Variants in DMD observed in about 807,000 individuals in gnomAD.
The protein encoded by DMD is dystrophin.
In DMD, 63 loss-of-function variants were observed where a neutral mutation model predicts 330.1. That is an observed-to-expected ratio of 0.19 (90% CI 0.16 to 0.24). The LOEUF is 0.24. Among genes scored for constraint, DMD ranks in the 10% least tolerant of loss-of-function variants. The pLI, the probability that DMD is intolerant of heterozygous loss-of-function variation, is 1.00. For synonymous variants in DMD, 1,223 were observed against 959.8 expected, an observed-to-expected ratio of 1.27 and a Z score of -5.07; for missense variants, 3,344 against 2,684.1, an observed-to-expected ratio of 1.25 and a Z score of -5.43.
intron 13 of DMD, among the ~76,000 whole-genome samples, chrX:32,595,184 T>C (rs1226464294): frequency 2.7e-5 from 3 of 111,607 alleles, no homozygotes; most frequent in Non-Finnish European, 5.6e-5. Context: ...CATTTACCGA[T>C]ATTTAGTAGA....
At chrX:32,398,663 G>A (rs147136705) in intron 30 of DMD, among the ~76,000 whole-genome samples, 2,644 of 110,830 alleles carry the variant, frequency 0.024, 31 homozygotes, top group Middle Eastern at 0.05. Context: ...TCATAATAAC[G>A]ACAACGATAA....
rs1298277434 is a variant in DMD, at chrX:32,644,245, C to T, written c.1218G>A (p.Leu406=). The T allele has an allele frequency of 3.3e-6, 4 of 1,209,257 alleles. No individual in the cohort carries two copies. Among genetic ancestry groups the T allele is most frequent in the Non-Finnish European group, 1.1e-6 (1 of 894,789 alleles). The change falls in exon 11 of 79, where the codon CTG becomes CTA. Residue 406 remains leucine, a synonymous_variant. Transcript: ENST00000357033. The part of the protein sequence containing the change: ...VGNILQLGSK[L]IGTGKLSEDE... ...CTTCTGATAATTTTCCTGTTCCAAT[C>T]AGCTTACTTCCCAATTGTAGAATAT...
intron 9 of DMD, among the ~76,000 whole-genome samples, chrX:32,677,798 T>TA (rs2062074344): frequency 8.9e-6 from 1 of 111,961 alleles, no homozygotes; most frequent in African/African-American, 3.2e-5. Flanking sequence ...AAAGAGCTAT[T>TA]AGCACTCCAG....
intron 7 of DMD, among the ~76,000 whole-genome samples, chrX:32,746,272 A>G (rs1296047634): frequency 8.9e-6 from 1 of 112,334 alleles, no homozygotes; most frequent in Non-Finnish European, 1.9e-5. Flanking sequence ...TCATACAAGA[A>G]TCATAGACAT....
At chrX:32,514,606 T>A (rs929265153) in intron 18 of DMD, among the ~76,000 whole-genome samples, 33 of 111,767 alleles carry the variant, frequency 3.0e-4, no homozygotes, top group Admixed American at 4.7e-4. Context: ...CCGGGTGTGG[T>A]GGCGGGCGCC....
intron 2 of DMD, among the ~76,000 whole-genome samples, chrX:32,973,372 C>A (rs994393276): frequency 2.7e-5 from 3 of 112,201 alleles, no homozygotes; most frequent in African/African-American, 9.7e-5. Context: ...TATGTCCTTT[C>A]CTCTTCAATC....
At chrX:32,700,322 T>G (rs2147621846) in intron 7 of DMD, among the ~76,000 whole-genome samples, 1 of 111,245 alleles carries the variant, frequency 9.0e-6, no homozygotes, top group South Asian at 3.8e-4. Flanking sequence ...CACAGAAAGA[T>G]AAGTACCACA....
At chrX:31,362,760 C>T (rs759219245) in intron 60 of DMD, among the ~76,000 whole-genome samples, 2 of 112,539 alleles carry the variant, frequency 1.8e-5, no homozygotes, top group South Asian at 7.3e-4. Context: ...CTGGCTAACA[C>T]GGTGAAACCC....
chrX:31,245,414 G>A (rs1242023523), intron 63 of DMD, among the ~76,000 whole-genome samples: 3 of 111,563 alleles, frequency 2.7e-5, no homozygotes, highest in Non-Finnish European at 5.6e-5. Flanking sequence ...TTTTTTCAGA[G>A]GCTACCATGC....
chrX:31,371,917 C>G (rs1471430705), intron 60 of DMD, among the ~76,000 whole-genome samples: 1 of 112,251 alleles, frequency 8.9e-6, no homozygotes, highest in East Asian at 2.8e-4. Context: ...CTGGGCAAAG[C>G]ACTTAACTCG....
chrX:32,706,025 A>G lies in DMD; in HGVS notation c.650-6732T>C, dbSNP rs961541630. Among the ~76,000 whole-genome samples the G allele has an allele frequency of 5.5e-5, 6 of 108,993 alleles. No homozygotes were observed. In the Admixed American group the frequency reaches 5.9e-4, roughly 11 times the overall value. The allele number at this position is 108,993 out of a possible 115,157, so 94.6% of individuals were successfully genotyped here. ...GATTAAGAAAATGTGGCATATATGC[A>G]CCATGGAATACTATGCAGTCATAAA... is the stretch of plus-strand genomic sequence containing the variant. On this transcript the variant is annotated intron_variant, in intron 7 of 78. Coordinates refer to ENST00000357033, the MANE Select transcript of DMD (RefSeq NM_004006.3).
chrX:31,995,009 T>C (rs1217421750), intron 44 of DMD, among the ~76,000 whole-genome samples: 1 of 111,785 alleles, frequency 8.9e-6, no homozygotes, highest in South Asian at 3.8e-4. Context: ...TTGGTAGAGA[T>C]GACGAATTTT....
intron 2 of DMD, among the ~76,000 whole-genome samples, chrX:32,942,464 A>G (rs767935538): frequency 1.8e-5 from 2 of 111,156 alleles, no homozygotes; most frequent in African/African-American, 3.3e-5. Flanking sequence ...AATCGCTTCA[A>G]TCCAGGAGGC....
chrX:32,680,584 T>C (rs983598553), intron 9 of DMD, among the ~76,000 whole-genome samples: 3 of 112,387 alleles, frequency 2.7e-5, no homozygotes, highest in African/African-American at 9.7e-5. Context: ...CATTCAAAAT[T>C]AGGTATTACA....
At chrX:32,553,073 CAAG>C (rs1318998645) in intron 16 of DMD, among the ~76,000 whole-genome samples, 1 of 111,580 alleles carries the variant, frequency 9.0e-6, no homozygotes, top group African/African-American at 3.3e-5. Flanking sequence ...TTGGGTATAC[CAAG>C]AAGAATATAA....
At chrX:31,370,221 A>AAATT (rs1415618140) in intron 60 of DMD, among the ~76,000 whole-genome samples, 27 of 111,780 alleles carry the variant, frequency 2.4e-4, no homozygotes, top group Admixed American at 1.9e-4. Flanking sequence ...AACCTCGCCA[A>AAATT]AATTAAAATT....
At chrX:31,913,103 T>C (rs1453385829) in intron 47 of DMD, among the ~76,000 whole-genome samples, 1 of 112,490 alleles carries the variant, frequency 8.9e-6, no homozygotes, top group Non-Finnish European at 1.9e-5. Flanking sequence ...AGTGAGGCCA[T>C]TTTGGACTTT....
intron 49 of DMD, among the ~76,000 whole-genome samples, chrX:31,831,734 G>A (rs2093039802): frequency 9.0e-6 from 1 of 110,768 alleles, no homozygotes; most frequent in Admixed American, 9.6e-5. Flanking sequence ...GAGTAGCTGG[G>A]ACTACAGATG....
At chrX:31,360,578 AC>A (rs1195133969) in intron 60 of DMD, among the ~76,000 whole-genome samples, 4 of 112,499 alleles carry the variant, frequency 3.6e-5, no homozygotes, top group Admixed American at 9.4e-5. Context: ...AGAAACGAAA[AC>A]AAGAGATGTT....
Sources: gnomAD v4.1 joint callset for allele counts (sites outside exome capture counted in the v4.1 genomes callset) on GRCh38, gnomAD v4.1.1 for gene constraint, MANE v1.5 for transcripts, NCBI Gene and HGNC (gene_info 2026-07-23, HGNC 2026-07-21) for gene names.